The following CCDC91 variants were observed in gnomAD, a reference collection of about 807,000 sequenced individuals.
CCDC91 encodes coiled-coil domain-containing protein 91.
In CCDC91, 48 loss-of-function variants were observed where a neutral mutation model predicts 63.2. That is an observed-to-expected ratio of 0.76 (90% CI 0.60 to 0.97). CCDC91 has a LOEUF of 0.97. Among genes scored for constraint, CCDC91 ranks in the 50% least tolerant of loss-of-function variants. The pLI is 0.00. For synonymous variants in CCDC91, 167 were observed against 165.8 expected, an observed-to-expected ratio of 1.01 and a Z score of -0.06; for missense variants, 500 against 494.6, an observed-to-expected ratio of 1.01 and a Z score of -0.10.
intron 12 of CCDC91, among the ~76,000 whole-genome samples, chr12:28,503,023 G>A (rs1328872941): frequency 6.6e-6 from 1 of 152,004 alleles, no homozygotes; most frequent in East Asian, 1.9e-4. Flanking sequence ...ATAGGCATGG[G>A]CAAGGACTTC....
chr12:28,293,184 A>G (rs1284282219), intron 3 of CCDC91, among the ~76,000 whole-genome samples: 1 of 152,188 alleles, frequency 6.6e-6, no homozygotes, highest in Non-Finnish European at 1.5e-5. Context: ...GAAGAAGCTC[A>G]TTCAGAGAAT....
At chr12:28,452,809 A>G (rs1237653822) in intron 11 of CCDC91, among the ~76,000 whole-genome samples, 155 bp downstream of exon 11, 1 of 151,740 alleles carries the variant, frequency 6.6e-6, no homozygotes, top group East Asian at 1.9e-4. Context: ...TATATTTTGA[A>G]TTAATCATTT....
intron 12 of CCDC91, among the ~76,000 whole-genome samples, chr12:28,500,692 T>C (rs1937710180): frequency 6.6e-6 from 1 of 151,734 alleles, no homozygotes; most frequent in Non-Finnish European, 1.5e-5. Context: ...AGTTTAGCTA[T>C]TTCAAGAACT....
At chr12:28,518,526 G>C (rs1592929924) in intron 12 of CCDC91, among the ~76,000 whole-genome samples, 2 of 151,800 alleles carry the variant, frequency 1.3e-5, no homozygotes, top group East Asian at 3.9e-4. Flanking sequence ...TAATTTTTTT[G>C]AGTTGGTGGT....
At chr12:28,227,306 A>G (rs1384201189) in intron 1 of CCDC91, among the ~76,000 whole-genome samples, 1 of 152,162 alleles carries the variant, frequency 6.6e-6, no homozygotes, top group African/African-American at 2.4e-5. Context: ...GTAGCTACAT[A>G]GATTTTTTTG....
At chr12:28,394,334 C>T (rs201481967) in intron 8 of CCDC91, among the ~76,000 whole-genome samples, 4 of 151,926 alleles carry the variant, frequency 2.6e-5, no homozygotes, top group East Asian at 1.9e-4. Context: ...GGTGTGGTGG[C>T]GGGCACCTGT....
At chr12:28,291,050 C>A (rs1380866490) in intron 3 of CCDC91, among the ~76,000 whole-genome samples, 1 of 152,040 alleles carries the variant, frequency 6.6e-6, no homozygotes, top group African/African-American at 2.4e-5. Flanking sequence ...CTGTTTTGGA[C>A]CATGAATTTT....
At chr12:28,436,480 C>A (rs1304454020) in intron 8 of CCDC91, among the ~76,000 whole-genome samples, 1 of 151,668 alleles carries the variant, frequency 6.6e-6, no homozygotes, top group East Asian at 1.9e-4. Flanking sequence ...GTGTACATAT[C>A]AAATATATTG....
chr12:28,541,014 A>T (rs1371821232), intron 12 of CCDC91, among the ~76,000 whole-genome samples: 1 of 152,104 alleles, frequency 6.6e-6, no homozygotes, highest in Non-Finnish European at 1.5e-5. Context: ...CTACAACTTG[A>T]TTACAACTTC....
chr12:28,256,296 C>T (rs1422397660), intron 1 of CCDC91, among the ~76,000 whole-genome samples: 1 of 152,128 alleles, frequency 6.6e-6, no homozygotes, highest in African/African-American at 2.4e-5. Flanking sequence ...TTCACAATTA[C>T]AGGTTCCAAA....
chr12:28,368,669 A>G (rs953214995), intron 7 of CCDC91, among the ~76,000 whole-genome samples: 1 of 152,128 alleles, frequency 6.6e-6, no homozygotes, highest in African/African-American at 2.4e-5. Context: ...GTTACATGTT[A>G]ATGTTAGTTT....
At chr12:28,514,994 T>A (rs1438200199) in intron 12 of CCDC91, among the ~76,000 whole-genome samples, 1 of 151,682 alleles carries the variant, frequency 6.6e-6, no homozygotes, top group Non-Finnish European at 1.5e-5. Flanking sequence ...GTAACAAATA[T>A]GCACATAGAC....
At chr12:28,264,315 A>G (rs893821188) in intron 3 of CCDC91, among the ~76,000 whole-genome samples, 3 of 136,372 alleles carry the variant, frequency 2.2e-5, no homozygotes, top group African/African-American at 7.4e-5. Context: ...CATCTAACAT[A>G]AGAAAGTTTT....
intron 12 of CCDC91, among the ~76,000 whole-genome samples, chr12:28,501,372 A>C (rs1724905780): frequency 6.6e-6 from 1 of 151,826 alleles, no homozygotes; most frequent in African/African-American, 2.4e-5. Flanking sequence ...TTATTTTGAG[A>C]TACGTCCCAT....
intron 8 of CCDC91, among the ~76,000 whole-genome samples, chr12:28,433,141 G>A (rs559200517): frequency 2.0e-5 from 3 of 151,590 alleles, no homozygotes; most frequent in East Asian, 1.9e-4. Context: ...TCAATCTTAC[G>A]TATTTTATCC....
chr12:28,394,203 A>ACGCC (rs978334372), intron 8 of CCDC91, among the ~76,000 whole-genome samples: 1 of 152,206 alleles, frequency 6.6e-6, no homozygotes, highest in Non-Finnish European at 1.5e-5. Context: ...GCAGTGGCTC[A>ACGCC]CGCCTGTAAT....
intron 3 of CCDC91, chr12:28,304,732 T>A: frequency 1.0e-6 from 1 of 987,070 alleles, no homozygotes; most frequent in Non-Finnish European, 1.4e-6. Flanking sequence ...TTTAGAAAGT[T>A]AAAATGTATA....
chr12:28,505,479 G>A (rs796856784), intron 12 of CCDC91: 6 of 151,978 alleles, frequency 3.9e-5, no homozygotes, highest in African/African-American at 1.4e-4. Context: ...TACTTGGATG[G>A]GAGAGAATTG....
At chr12:28,221,598 A>C (rs1943956138) in intron 1 of CCDC91, among the ~76,000 whole-genome samples, 1 of 152,208 alleles carries the variant, frequency 6.6e-6, no homozygotes, top group South Asian at 2.1e-4. Context: ...GCATGGCTCC[A>C]GAGCAGCCTT....
Sources: allele counts gnomAD v4.1 joint callset (sites outside exome capture counted in the v4.1 genomes callset), GRCh38; gene constraint gnomAD v4.1.1; transcripts MANE v1.5; gene names NCBI Gene and HGNC (gene_info 2026-07-23, HGNC 2026-07-21).